Variants in FAAH observed in about 807,000 individuals in gnomAD.
FAAH encodes the protein fatty-acid amide hydrolase 1.
In FAAH, 63 loss-of-function variants were observed where a neutral mutation model predicts 69.7. That is an observed-to-expected ratio of 0.90 (90% CI 0.74 to 1.12). The LOEUF is 1.12. FAAH is among the 50% of genes most tolerant of loss of function. The pLI is 0.00. For missense variants in FAAH, 680 were observed against 755.0 expected, an observed-to-expected ratio of 0.90 and a Z score of 1.16; for synonymous variants, 305 against 324.2, an observed-to-expected ratio of 0.94 and a Z score of 0.64.
chr1:46,396,367 C>T (rs955222888), intron 1 of FAAH, among the ~76,000 whole-genome samples: 1 of 152,192 alleles, frequency 6.6e-6, no homozygotes, highest in Non-Finnish European at 1.5e-5. Context: ...AGATGCCTTC[C>T]TCTTATCTCA....
At position 46,402,150 on chromosome 1, in the gene FAAH, GT is replaced by G. The variant is rs1254619636; in HGVS notation, c.257del (p.Leu86TyrfsTer22). 6.8e-6 allele frequency: 11 copies of G among 1,610,508 alleles called. No individual in the cohort carries two copies. Among genetic ancestry groups the G allele is most frequent in the Non-Finnish European group, 9.3e-6 (11 of 1,178,486 alleles). ...TGCCCCTGCCTCAGCTGGTGCAGAAGTTACACAGTAGAGAGCTGGCCCCTGA... is the reference window on the plus strand; with the variant it reads ...TGCCCCTGCCTCAGCTGGTGCAGAAGTACACAGTAGAGAGCTGGCCCCTGA... ...ALPLPQLVQK[L>X]HSRELAPEAV... On this transcript the variant is annotated frameshift_variant, in exon 2 of 15. Coordinates refer to ENST00000243167, the MANE Select transcript of FAAH (RefSeq NM_001441.3). LOFTEE classifies it high-confidence loss of function.
At position 46,405,056 on chromosome 1, in the gene FAAH, C is replaced by T; in HGVS notation, c.352C>T (p.Leu118=). The part of the protein sequence containing the change: ...NKGTNCVTSY[L]ADCETQLSQA... The stretch of plus-strand genomic sequence containing the variant: ...AGGGACCAACTGTGTGACCTCCTAT[C>T]TGGCTGACTGTGAGACTCAGCTGTC... The change falls in exon 3 of 15, where the codon CTG becomes TTG. Residue 118 remains leucine (L), a synonymous_variant. Coordinates refer to ENST00000243167, the MANE Select transcript of FAAH (RefSeq NM_001441.3). The surrounding 1 kb of genome is among the most constrained non-coding windows in gnomAD (Gnocchi z 4.1). 1 of 1,614,102 alleles carries T rather than the reference C, an allele frequency of 6.2e-7. No homozygotes were observed. Among genetic ancestry groups the T allele is most frequent in the South Asian group, 1.1e-5 (1 of 91,088 alleles).
chr1:46,395,667 G>C (rs570896718), intron 1 of FAAH, among the ~76,000 whole-genome samples: 1 of 152,346 alleles, frequency 6.6e-6, no homozygotes, highest in South Asian at 2.1e-4. Context: ...AGGAGGGTGT[G>C]CCTGGGTGGG....
rs140587034 is a variant in FAAH, at chr1:46,403,129, C to T, written c.309+925C>T. Among the ~76,000 whole-genome samples the T allele has an allele frequency of 5.0e-3, 751 of 149,128 alleles. 7 individuals carry two copies. Among genetic ancestry groups the T allele is most frequent in the Middle Eastern group, 0.042 (11 of 264 alleles). On this transcript the variant is annotated intron_variant, in intron 2 of 14. Transcript: ENST00000243167. ...GATTACAGGCGTGAGCCACCATGCCCGACCCCGTCTTTTTTTTTGAGATGG... is the reference window on the plus strand; with the variant it reads ...GATTACAGGCGTGAGCCACCATGCCTGACCCCGTCTTTTTTTTTGAGATGG...
At position 46,413,064 on chromosome 1, in the gene FAAH, A is replaced by G. The variant is rs765326401; in HGVS notation, c.1466-11A>G. On this transcript the variant is annotated splice_polypyrimidine_tract_variant and intron_variant, in intron 13 of 14. Transcript: ENST00000243167. ...TCAGGGCCTGCTGCAGCTGCCTGTA[A>G]TGTGTTCCAGGGGCCGTCAGCTACA... 8.1e-6 allele frequency: 13 copies of G among 1,613,948 alleles called. No homozygotes were observed. Among genetic ancestry groups the G allele is most frequent in the Admixed American group, 1.7e-5 (1 of 60,000 alleles).
Position 46,412,355 on chromosome 1 carries a change from C to CG in FAAH, c.1465+108dup, listed in dbSNP as rs1187164800. ...GCCCTCTGGGAGGACCCTGCCCTCTCGGGGCCCACAGTCTGGCTGACTGGA... is the reference window on the plus strand; with the variant it reads ...GCCCTCTGGGAGGACCCTGCCCTCTCGGGGGCCCACAGTCTGGCTGACTGGA... On this transcript the variant is annotated intron_variant, in intron 13 of 14. Coordinates refer to ENST00000243167, the MANE Select transcript of FAAH (RefSeq NM_001441.3). 13 of 971,428 alleles carry CG rather than the reference C, an allele frequency of 1.3e-5. No homozygotes were observed. The African/African-American group carries it at 1.9e-4, about 14-fold the overall frequency. 60.2% of individuals were successfully genotyped at this position (971,428 alleles called of 1,614,324 possible). A position where few individuals can be genotyped will look rare whatever the true frequency, so the allele number is the denominator to read the frequency against.
chr1:46,404,281 T>C lies in FAAH; in HGVS notation c.310-733T>C, dbSNP rs1664753295. ...GACAGATTTTGCACATGCCTGAATA[T>C]GGCAACACAGCCCACCCTGTTTCCC... On this transcript the variant is annotated intron_variant, in intron 2 of 14. Transcript: ENST00000243167. This position sits in a 1 kb window ranked among gnomAD's most constrained non-coding sequence, Gnocchi z 4.5. Among the ~76,000 whole-genome samples, 1 of 152,230 alleles carries C rather than the reference T, an allele frequency of 6.6e-6. No homozygotes were observed. The highest frequency in any genetic ancestry group is 2.1e-4 in the South Asian group (1 of 4,832).
intron 6 of FAAH, 78 bp downstream of exon 6, chr1:46,406,156 G>A (rs980734563): frequency 6.8e-6 from 11 of 1,613,884 alleles, no homozygotes; most frequent in Non-Finnish European, 9.3e-6. Flanking sequence ...CTTCTCAGGT[G>A]GCAGGGCAGT....
Position 46,411,589 on chromosome 1 carries a change from G to C in FAAH, c.1317-23G>C, listed in dbSNP as rs768878308. On this transcript the variant is annotated intron_variant, in intron 11 of 14. Coordinates refer to ENST00000243167, the MANE Select transcript of FAAH (RefSeq NM_001441.3). This position sits in a 1 kb window ranked among gnomAD's most constrained non-coding sequence, Gnocchi z 4.8. ...TCCGTGGCTGTGACCATCATGGCTG[G>C]TGACCACACTCCTTCTGCCCAGTTC... The C allele has an allele frequency of 2.5e-6, 4 of 1,613,784 alleles. No homozygotes were observed. In the East Asian group the frequency reaches 8.9e-5, roughly 36 times the overall value.
At chr1:46,409,699 A>C (rs574765886) in intron 9 of FAAH, among the ~76,000 whole-genome samples, 89 of 152,246 alleles carry the variant, frequency 5.8e-4, no homozygotes, top group African/African-American at 1.9e-3. Context: ...GCTTCTAGTC[A>C]TTAAAGGTGT....
chr1:46,406,269 C>T lies in FAAH; in HGVS notation c.852C>T (p.Ala284=). The T allele has an allele frequency of 6.2e-7, 1 of 1,614,066 alleles. No individual in the cohort carries two copies. Among genetic ancestry groups the T allele is most frequent in the Non-Finnish European group, 8.5e-7 (1 of 1,180,046 alleles). ...EAVRLSVGPM[A]RDVESLALCL... Reference sequence around the variant, plus strand: ...TGCGTCTCTCCGTGGGCCCCATGGCCCGGGACGTGGAGAGCCTGGCACTGT... The same window carrying T: ...TGCGTCTCTCCGTGGGCCCCATGGCTCGGGACGTGGAGAGCCTGGCACTGT... The change falls in exon 7 of 15, where the codon GCC becomes GCT. Residue 284 remains alanine (A), a synonymous_variant. Transcript: ENST00000243167.
chr1:46,412,003 AC>A, intron 12 of FAAH, 139 bp from the exon 13 acceptor site: 2 of 767,314 alleles, frequency 2.6e-6, no homozygotes, highest in Non-Finnish European at 4.6e-6. Flanking sequence ...TGCCCGGAGG[AC>A]CTGTGTCCCA....
At chr1:46,403,256 G>A (rs1433580246) in intron 2 of FAAH, among the ~76,000 whole-genome samples, 11 of 151,912 alleles carry the variant, frequency 7.2e-5, no homozygotes, top group Non-Finnish European at 1.0e-4. Context: ...TCAGCCTCCC[G>A]AGTAGCTGGG....
Position 46,413,082 on chromosome 1 carries a change from C to A in FAAH, c.1473C>A (p.Val491=). ...GCCTGTAATGTGTTCCAGGGGCCGTCAGCTACACTATGCTGTACAACTGCC... is the reference window on the plus strand; with the variant it reads ...GCCTGTAATGTGTTCCAGGGGCCGTAAGCTACACTATGCTGTACAACTGCC... ...LNAPGRATGA[V]SYTMLYNCLD... The change falls in exon 14 of 15, where the codon GTC becomes GTA. Residue 491 remains valine (V), a synonymous_variant. Transcript: ENST00000243167. 6.2e-7 allele frequency: 1 copy of A among 1,614,146 alleles called. No individual in the cohort carries two copies. Among genetic ancestry groups the A allele is most frequent in the South Asian group, 1.1e-5 (1 of 91,052 alleles).
Position 46,411,736 on chromosome 1 carries a change from C to T in FAAH, c.1356+85C>T, listed in dbSNP as rs1158083243. The T allele has an allele frequency of 6.7e-7, 1 of 1,487,404 alleles. No homozygotes were observed. Among genetic ancestry groups the T allele is most frequent in the Non-Finnish European group, 9.3e-7 (1 of 1,077,196 alleles). 92.1% of individuals were successfully genotyped at this position (1,487,404 alleles called of 1,614,324 possible). The stretch of plus-strand genomic sequence containing the variant: ...GTACCCGCTAGCAGTGTCTCGTGGC[C>T]ACTGCCCCCATGGGGCTCCTAGACT... On this transcript the variant is annotated intron_variant, in intron 12 of 14. Transcript: ENST00000243167. The surrounding 1 kb of genome is among the most constrained non-coding windows in gnomAD (Gnocchi z 4.8).
intron 7 of FAAH, among the ~76,000 whole-genome samples, chr1:46,406,706 A>G (rs1171671061): frequency 1.3e-5 from 2 of 148,418 alleles, no homozygotes; most frequent in Admixed American, 6.7e-5. Flanking sequence ...GGTTCACGCC[A>G]TTCTCCTGCC....
chr1:46,413,704 A>C lies in FAAH; in HGVS notation c.*129A>C. The stretch of plus-strand genomic sequence containing the variant: ...AGAGGCTTCCGTGTCCTCTCCCCCA[A>C]CCCCCTGCAAGAAGCGCCGACTCCC... On this transcript the variant is annotated 3_prime_UTR_variant, in exon 15 of 15. Coordinates refer to ENST00000243167, the MANE Select transcript of FAAH (RefSeq NM_001441.3). 7.3e-7 allele frequency: 1 copy of C among 1,377,142 alleles called. No homozygotes were observed. 85.3% of individuals were successfully genotyped at this position (1,377,142 alleles called of 1,614,324 possible). A position where few individuals can be genotyped will look rare whatever the true frequency, so the allele number is the denominator to read the frequency against.
intron 2 of FAAH, among the ~76,000 whole-genome samples, chr1:46,402,405 A>T (rs1473033636): frequency 6.6e-6 from 1 of 152,190 alleles, no homozygotes; most frequent in Non-Finnish European, 1.5e-5. Flanking sequence ...GTGTGTATGT[A>T]TGTGTGTATG....
intron 13 of FAAH, 59 bp downstream of exon 13, chr1:46,412,310 T>G: frequency 2.9e-6 from 4 of 1,397,458 alleles, no homozygotes; most frequent in Non-Finnish European, 4.0e-6. Context: ...CCTGCAGGGC[T>G]GCGAGGAAAT....
Sources: allele counts gnomAD v4.1 joint callset (sites outside exome capture counted in the v4.1 genomes callset), GRCh38; gene constraint gnomAD v4.1.1; non-coding constraint Gnocchi (gnomAD v3.1); transcripts MANE v1.5; gene names NCBI Gene and HGNC (gene_info 2026-07-23, HGNC 2026-07-21).